The following KCNH5 variants were observed in gnomAD, a reference collection of about 807,000 sequenced individuals.
KCNH5 encodes potassium voltage-gated channel subfamily H member 5.
KCNH5 carries 46 observed loss-of-function variants against 96.1 expected under a neutral mutation model. The ratio of observed to expected loss-of-function variants is 0.48; its 90% CI spans 0.38 to 0.61. The LOEUF (loss-of-function observed/expected upper bound fraction) is 0.61, where lower values mean the gene tolerates loss of function less well. Among genes scored for constraint, KCNH5 ranks in the 20% least tolerant of loss-of-function variants. KCNH5 has a pLI of 0.00. For missense variants in KCNH5, 907 were observed against 1,225.8 expected (o/e 0.74, Z 3.88); for synonymous variants, 439 against 449.8 (o/e 0.98, Z 0.30).
intron 7 of KCNH5, among the ~76,000 whole-genome samples, chr14:62,880,756 T>C (rs569212958): frequency 7.9e-5 from 12 of 152,336 alleles, no homozygotes. Context: ...TGCTCAATAT[T>C]TACTGTTTTC....
chr14:62,937,626 C>T (rs1337147123), intron 7 of KCNH5, among the ~76,000 whole-genome samples: 4 of 152,144 alleles, frequency 2.6e-5, no homozygotes, highest in African/African-American at 7.2e-5. Context: ...AGGAGGAGAA[C>T]GTGTGCAAAT....
chr14:62,707,768 CG>C lies in KCNH5; in HGVS notation c.2706del (p.Glu903SerfsTer26). 1 of 1,614,026 alleles carries C rather than the reference CG, an allele frequency of 6.2e-7. No homozygotes were observed. On this transcript the variant is annotated frameshift_variant, in exon 11 of 11. Transcript: ENST00000322893. LOFTEE classifies it high-confidence loss of function. Reference protein sequence around the residue: ...ADAKHPFYPIPEQALQTTLQE... With the variant: ...ADAKHPFYPIXEQALQTTLQE... ...TGCAGTGTGGTCTGTAAGGCCTGCT[CG>C]GGGATGGGATAAAAGGGGTGCTTGG...
intron 7 of KCNH5, among the ~76,000 whole-genome samples, chr14:62,909,998 G>T (rs1889118783): frequency 6.6e-6 from 1 of 151,844 alleles, no homozygotes; most frequent in African/African-American, 2.4e-5. Context: ...GAATTTTTGA[G>T]TGTTTTGTTC....
chr14:62,954,604 A>C (rs1191921753), intron 6 of KCNH5, among the ~76,000 whole-genome samples: 1 of 152,240 alleles, frequency 6.6e-6, no homozygotes, highest in African/African-American at 2.4e-5. Flanking sequence ...AATGTAACTT[A>C]GGGTTGCATT....
intron 10 of KCNH5, among the ~76,000 whole-genome samples, chr14:62,771,709 G>C (rs1282305342): frequency 6.6e-6 from 1 of 152,094 alleles, no homozygotes; most frequent in African/African-American, 2.4e-5. Flanking sequence ...GCAATTCTTT[G>C]AGACCACTAC....
chr14:62,932,233 G>A (rs572241055), intron 7 of KCNH5, among the ~76,000 whole-genome samples: 1 of 152,042 alleles, frequency 6.6e-6, no homozygotes, highest in South Asian at 2.1e-4. Flanking sequence ...GACTATGTGG[G>A]GATAAGAAAA....
At position 62,970,085 on chromosome 14, in the gene KCNH5, C is replaced by A. The variant is rs79475561; in HGVS notation, c.942+10787G>T. 1.2e-3 allele frequency among the ~76,000 whole-genome samples: 164 copies of A among 135,464 alleles called. 2 individuals are homozygous for A. Among genetic ancestry groups the A allele is most frequent in the East Asian group, 9.4e-3 (48 of 5,112 alleles). 88.9% of individuals were successfully genotyped at this position (135,464 alleles called of 152,430 possible). ...AAAAAAAAAAAATTAAATCAATAAG[C>A]CTCTAGTCAGGCTAACGAAACAAGA... On this transcript the variant is annotated intron_variant, in intron 6 of 10. Coordinates refer to ENST00000322893, the MANE Select transcript of KCNH5 (RefSeq NM_139318.5).
Position 62,849,827 on chromosome 14 carries a change from T to G in KCNH5, c.1395A>C (p.Gly465=), listed in dbSNP as rs201996055. 4.9e-4 allele frequency: 786 copies of G among 1,613,366 alleles called. No individual in the cohort carries two copies. The highest frequency in any genetic ancestry group is 6.4e-4 in the Non-Finnish European group (753 of 1,179,556). The part of the protein sequence containing the change: ...VGSLLYATIF[G]NVTTIFQQMY... ...TTTGCTGGAAAATTGTTGTAACATT[T>G]CCAAAAATAGTTGCATAAAGAAGAG... Residue 465 remains glycine, a synonymous_variant, in exon 8 of 11, where the codon GGA becomes GGC. Transcript: ENST00000322893.
intron 7 of KCNH5, among the ~76,000 whole-genome samples, chr14:62,889,580 C>T (rs1057504137): frequency 6.6e-6 from 1 of 152,118 alleles, no homozygotes; most frequent in South Asian, 2.1e-4. Context: ...TAGATGCTGG[C>T]CCTGTTCCCA....
chr14:62,868,128 T>G (rs1888172235), intron 7 of KCNH5, among the ~76,000 whole-genome samples: 1 of 152,208 alleles, frequency 6.6e-6, no homozygotes, highest in African/African-American at 2.4e-5. Context: ...AGGGGGTAAA[T>G]CCTGACCCTC....
chr14:62,821,690 T>C (rs1270452166), intron 8 of KCNH5, among the ~76,000 whole-genome samples: 1 of 152,116 alleles, frequency 6.6e-6, no homozygotes, highest in Non-Finnish European at 1.5e-5. Context: ...ATTTTCATTA[T>C]CCATAAAAAT....
Position 62,904,256 on chromosome 14 carries a change from G to A in KCNH5, c.1369+45877C>T, listed in dbSNP as rs115249425. 3.2e-3 allele frequency among the ~76,000 whole-genome samples: 492 copies of A among 152,264 alleles called. 4 individuals are homozygous for A. The highest frequency in any genetic ancestry group is 0.011 in the African/African-American group (472 of 41,550). ...ACCAGTCTATTTTCTCTTAGTCACTGTACCTATTTTTCCTTCGCTGGCATA... is the reference window on the plus strand; with the variant it reads ...ACCAGTCTATTTTCTCTTAGTCACTATACCTATTTTTCCTTCGCTGGCATA... On this transcript the variant is annotated intron_variant, in intron 7 of 10. Transcript: ENST00000322893.
Position 62,934,653 on chromosome 14 carries a change from A to G in KCNH5, c.1369+15480T>C, listed in dbSNP as rs559719551. Among the ~76,000 whole-genome samples the G allele has an allele frequency of 2.3e-3, 343 of 152,306 alleles. 1 individual carries two copies. Among genetic ancestry groups the G allele is most frequent in the Non-Finnish European group, 3.7e-3 (252 of 68,022 alleles). ...GAAACAGTGGCAGTCACTTTTCAAG[A>G]GGAGTGTGGTAACAGCTGAGAACAA... On this transcript the variant is annotated intron_variant, in intron 7 of 10. Coordinates refer to ENST00000322893, the MANE Select transcript of KCNH5 (RefSeq NM_139318.5).
intron 10 of KCNH5, among the ~76,000 whole-genome samples, chr14:62,772,562 G>C (rs765432726): frequency 6.7e-6 from 1 of 149,728 alleles, no homozygotes; most frequent in Non-Finnish European, 1.5e-5. Flanking sequence ...GCTTGAACCT[G>C]GGAGGTGGAG....
At chr14:62,721,808 T>C (rs1007470356) in intron 10 of KCNH5, among the ~76,000 whole-genome samples, 10 of 152,308 alleles carry the variant, frequency 6.6e-5, no homozygotes, top group Non-Finnish European at 7.4e-5. Context: ...CCTTTTCCAA[T>C]AGAGCTATAG....
intron 6 of KCNH5, among the ~76,000 whole-genome samples, chr14:62,979,842 A>C (rs1890572516): frequency 6.6e-6 from 1 of 152,196 alleles, no homozygotes. Flanking sequence ...TTCTAGGTGC[A>C]CTGATAACAC....
chr14:62,980,725 T>C, intron 6 of KCNH5, 147 bp downstream of exon 6: 1 of 746,306 alleles, frequency 1.3e-6, no homozygotes, highest in Non-Finnish European at 2.1e-6. Context: ...TTTAAGGTAA[T>C]CAAATATAAT....
At chr14:62,739,652 C>T (rs1595601179) in intron 10 of KCNH5, among the ~76,000 whole-genome samples, 2 of 152,164 alleles carry the variant, frequency 1.3e-5, no homozygotes, top group East Asian at 3.9e-4. Context: ...TCTCAAAGGC[C>T]TCCCAGCTTC....
chr14:62,802,395 C>T lies in KCNH5; in HGVS notation c.1756G>A (p.Ala586Thr), dbSNP rs1384329546. 1 of 1,614,144 alleles carries T rather than the reference C, an allele frequency of 6.2e-7. No individual in the cohort carries two copies. Among genetic ancestry groups the T allele is most frequent in the Non-Finnish European group, 8.5e-7 (1 of 1,179,998 alleles). Reference protein sequence around the residue: ...LIYHAGESVDALCFVVSGSLE... With the variant: ...LIYHAGESVDTLCFVVSGSLE... ...GATCCTGACACCACAAAGCAGAGGG[C>T]ATCCACACTTTCTCCAGCATGGTAA... The change falls in exon 9 of 11, where the codon GCC becomes ACC. Residue 586 changes from alanine to threonine, a missense_variant. Ala to Thr is a moderately conservative substitution (Grantham distance 58). Coordinates refer to ENST00000322893, the MANE Select transcript of KCNH5 (RefSeq NM_139318.5).
Sources: allele counts gnomAD v4.1 joint callset (sites outside exome capture counted in the v4.1 genomes callset), GRCh38; gene constraint gnomAD v4.1.1; transcripts MANE v1.5; gene names NCBI Gene and HGNC (gene_info 2026-07-23, HGNC 2026-07-21).